VIPR2: variants seen among roughly 807,000 people sequenced by gnomAD.
VIPR2 encodes vasoactive intestinal peptide receptor 2.
VIPR2 carries 48 observed loss-of-function variants against 58.0 expected under a neutral mutation model. The observed-to-expected ratio is 0.83, with a 90% CI of 0.66 to 1.05. The LOEUF is 1.05. Among genes scored for constraint, VIPR2 ranks in the 50% least tolerant of loss-of-function variants. The pLI, the probability that VIPR2 is intolerant of heterozygous loss-of-function variation, is 0.00. For synonymous variants in VIPR2, 243 were observed against 235.2 expected (o/e 1.03, Z -0.30); for missense variants, 534 against 558.0 (o/e 0.96, Z 0.43).
chr7:159,058,172 TTCTGGATGGCAAGGG>T (rs1855430497), intron 5 of VIPR2, among the ~76,000 whole-genome samples: 1 of 152,206 alleles, frequency 6.6e-6, no homozygotes, highest in Admixed American at 6.5e-5. Flanking sequence ...ACACAGGAGC[TTCTGGATGGCAAGGG>T]TGAGATCCTA....
At chr7:159,120,482 T>C (rs1184514663) in intron 2 of VIPR2, among the ~76,000 whole-genome samples, 2 of 152,214 alleles carry the variant, frequency 1.3e-5, no homozygotes, top group African/African-American at 4.8e-5. Context: ...GATTCTTTTA[T>C]GGGAAACAGC....
Position 159,128,398 on chromosome 7 carries a change from T to G in VIPR2, c.151+14048A>C, listed in dbSNP as rs567029271. On this transcript the variant is annotated intron_variant, in intron 2 of 12. Coordinates refer to ENST00000262178, the MANE Select transcript of VIPR2 (RefSeq NM_003382.5). The surrounding 1 kb of genome is among the most constrained non-coding windows in gnomAD (Gnocchi z 4.1). ...CCTGCTGGCACCAGGACACACCTTA[T>G]GCCCCTCAGATGACTGAGGTCCTAA... is the stretch of plus-strand genomic sequence containing the variant. 1.8e-4 allele frequency among the ~76,000 whole-genome samples: 27 copies of G among 152,248 alleles called. No homozygotes were observed. Among genetic ancestry groups the G allele is most frequent in the Admixed American group, 1.2e-3 (19 of 15,294 alleles).
At position 159,128,317 on chromosome 7, in the gene VIPR2, CCT is replaced by C. The variant is rs1796730624; in HGVS notation, c.151+14127_151+14128del. Among the ~76,000 whole-genome samples, 1 of 152,194 alleles carries C rather than the reference CCT, an allele frequency of 6.6e-6. No individual in the cohort carries two copies. Among genetic ancestry groups the C allele is most frequent in the South Asian group, 2.1e-4 (1 of 4,834 alleles). ...CTCACAGCCCCATCCTCCTCCAACCCCTGACCACCCTGGAGCAGTTCTGAGCC... is the reference window on the plus strand; with the variant it reads ...CTCACAGCCCCATCCTCCTCCAACCCGACCACCCTGGAGCAGTTCTGAGCC... On this transcript the variant is annotated intron_variant, in intron 2 of 12. Coordinates refer to ENST00000262178, the MANE Select transcript of VIPR2 (RefSeq NM_003382.5). This position sits in a 1 kb window ranked among gnomAD's most constrained non-coding sequence, Gnocchi z 4.1.
In VIPR2 at chr7:159,067,930, G is replaced by A. The variant is rs145832984; in HGVS notation, c.358-9352C>T. On this transcript the variant is annotated intron_variant, in intron 4 of 12. Transcript: ENST00000262178. The stretch of plus-strand genomic sequence containing the variant: ...TTGTGGCTGGGCAGAGCCACTGTCA[G>A]GGCAGGAAGGGCAGGTGCTGCGGGG... Among the ~76,000 whole-genome samples, 20 of 152,370 alleles carry A rather than the reference G, an allele frequency of 1.3e-4. No homozygotes were observed. The East Asian group carries it at 3.9e-3, about 29-fold the overall frequency.
At chr7:159,053,508 T>C (rs1452180682) in intron 5 of VIPR2, among the ~76,000 whole-genome samples, 1 of 152,192 alleles carries the variant, frequency 6.6e-6, no homozygotes, top group Non-Finnish European at 1.5e-5. Context: ...ATAGATACAA[T>C]GCAATACCAA....
chr7:159,067,532 C>T (rs886996590), intron 4 of VIPR2, among the ~76,000 whole-genome samples: 7 of 152,318 alleles, frequency 4.6e-5, no homozygotes, highest in Admixed American at 1.3e-4. Context: ...CAGATTTCCT[C>T]GCAACAAGAA....
At chr7:159,039,930 A>C (rs1563262432) in intron 6 of VIPR2, among the ~76,000 whole-genome samples, 2 of 152,350 alleles carry the variant, frequency 1.3e-5, no homozygotes, top group East Asian at 3.9e-4. Flanking sequence ...CGCGGAGAAC[A>C]CCATGCCACA....
intron 4 of VIPR2, among the ~76,000 whole-genome samples, chr7:159,061,045 C>T (rs533334455): frequency 3.9e-5 from 6 of 152,284 alleles, no homozygotes; most frequent in South Asian, 4.2e-4. Context: ...TGGAATATTA[C>T]GCAGCCACAA....
chr7:159,097,264 T>C lies in VIPR2; in HGVS notation c.357+6493A>G. 7.3e-7 allele frequency: 1 copy of C among 1,377,292 alleles called. No homozygotes were observed. 85.3% of individuals were successfully genotyped at this position (1,377,292 alleles called of 1,614,324 possible). ...AGTGCTGGAGGAGGGCAGAGGCTTATTTTTAGGGATGTGGCGTAACACGGA... is the reference window on the plus strand; with the variant it reads ...AGTGCTGGAGGAGGGCAGAGGCTTACTTTTAGGGATGTGGCGTAACACGGA... On this transcript the variant is annotated intron_variant, in intron 4 of 12. Coordinates refer to ENST00000262178, the MANE Select transcript of VIPR2 (RefSeq NM_003382.5). This position sits in a 1 kb window ranked among gnomAD's most constrained non-coding sequence, Gnocchi z 5.3.
intron 1 of VIPR2, among the ~76,000 whole-genome samples, chr7:159,143,227 G>A (rs556267385): frequency 5.9e-5 from 9 of 152,296 alleles, no homozygotes; most frequent in African/African-American, 2.2e-4. Flanking sequence ...GAAGAAGGCA[G>A]AACTACACAA....
intron 2 of VIPR2, among the ~76,000 whole-genome samples, chr7:159,136,281 C>A (rs1005501453): frequency 6.6e-6 from 1 of 151,654 alleles, no homozygotes; most frequent in African/African-American, 2.4e-5. Context: ...CTTATAAAAC[C>A]TATCCCTTGA....
chr7:159,144,677 C>T, intron 1 of VIPR2, 44 bp downstream of exon 1: 1 of 1,351,538 alleles, frequency 7.4e-7, no homozygotes, highest in Non-Finnish European at 9.5e-7. Context: ...AAGGGGAGAA[C>T]CGGGTCCGAG....
intron 2 of VIPR2, among the ~76,000 whole-genome samples, chr7:159,132,673 A>G (rs560965204): frequency 2.0e-4 from 30 of 152,362 alleles, no homozygotes; most frequent in Admixed American, 1.1e-3. Context: ...TTTATTCCAC[A>G]TGAAATCATT....
chr7:159,090,710 T>C (rs1212211580), intron 4 of VIPR2, among the ~76,000 whole-genome samples: 755 of 65,376 alleles, frequency 0.012, no homozygotes, highest in Middle Eastern at 0.058. Flanking sequence ...CTCTTGTGAC[T>C]ATCACAATCC....
chr7:159,092,591 C>T lies in VIPR2; in HGVS notation c.357+11166G>A, dbSNP rs963222091. On this transcript the variant is annotated intron_variant, in intron 4 of 12. Coordinates refer to ENST00000262178, the MANE Select transcript of VIPR2 (RefSeq NM_003382.5). ...AACTTGAACCAGATCACCAAAATAACCTCCTTCCATGGGCAATTTCGGGAT... is the reference window on the plus strand; with the variant it reads ...AACTTGAACCAGATCACCAAAATAATCTCCTTCCATGGGCAATTTCGGGAT... Among the ~76,000 whole-genome samples, 5 of 152,244 alleles carry T rather than the reference C, an allele frequency of 3.3e-5. No individual in the cohort carries two copies. The South Asian group carries it at 8.3e-4, about 25-fold the overall frequency.
chr7:159,122,118 G>A (rs1029415167), intron 2 of VIPR2, among the ~76,000 whole-genome samples: 1 of 152,188 alleles, frequency 6.6e-6, no homozygotes, highest in African/African-American at 2.4e-5. Flanking sequence ...GAGTTCTAGA[G>A]GTCACTTCCT....
At chr7:159,135,989 A>G (rs1797204752) in intron 2 of VIPR2, among the ~76,000 whole-genome samples, 1 of 152,156 alleles carries the variant, frequency 6.6e-6, no homozygotes, top group African/African-American at 2.4e-5. Context: ...AAAACTCTAC[A>G]AAGCTTTGTG....
rs538798972 is a variant in VIPR2 at position 159,131,382 on chromosome 7, A to T, written c.151+11064T>A. ...AGCTTGTCTTCCCAGGTGCAGAATGACAAGATGAGATCAGCCATTTCCTCT... is the reference window on the plus strand; with the variant it reads ...AGCTTGTCTTCCCAGGTGCAGAATGTCAAGATGAGATCAGCCATTTCCTCT... On this transcript the variant is annotated intron_variant, in intron 2 of 12. Coordinates refer to ENST00000262178, the MANE Select transcript of VIPR2 (RefSeq NM_003382.5). Among the ~76,000 whole-genome samples, 42 of 152,340 alleles carry T rather than the reference A, an allele frequency of 2.8e-4. No homozygotes were observed. The South Asian group carries it at 3.9e-3, about 14-fold the overall frequency.
intron 2 of VIPR2, among the ~76,000 whole-genome samples, chr7:159,139,724 C>T (rs951704353): frequency 6.6e-6 from 1 of 152,258 alleles, no homozygotes; most frequent in African/African-American, 2.4e-5. Context: ...CACATAGAGA[C>T]CACCTCTGCT....
Sources: gnomAD v4.1 joint callset for allele counts (sites outside exome capture counted in the v4.1 genomes callset) on GRCh38, gnomAD v4.1.1 for gene constraint, Gnocchi (gnomAD v3.1) non-coding constraint, MANE v1.5 for transcripts, NCBI Gene and HGNC (gene_info 2026-07-23, HGNC 2026-07-21) for gene names.